COX7B2: variants seen among roughly 807,000 people sequenced by gnomAD.
COX7B2 encodes the protein cytochrome c oxidase subunit 7B2, also known as cytochrome c oxidase subunit 7B2, mitochondrial.
For missense variants in COX7B2, 109 were observed against 95.9 expected (o/e 1.14, Z -0.57); for synonymous variants, 37 against 32.1 (o/e 1.15, Z -0.51).
At chr4:46,777,561 A>C (rs959738860) in intron 2 of COX7B2, among the ~76,000 whole-genome samples, 1 of 152,180 alleles carries the variant, frequency 6.6e-6, no homozygotes, top group Admixed American at 6.5e-5. Flanking sequence ...CTAAACAAGG[A>C]CAAGGGAATC....
chr4:46,802,720 G>T (rs73815705), intron 2 of COX7B2, among the ~76,000 whole-genome samples: 5,301 of 152,162 alleles, frequency 0.035, 233 homozygotes, highest in African/African-American at 0.11. Context: ...CTGTCACATT[G>T]GCAAAGTGTC....
chr4:46,829,432 C>A (rs1438088916), intron 2 of COX7B2, among the ~76,000 whole-genome samples: 1 of 151,828 alleles, frequency 6.6e-6, no homozygotes, highest in Non-Finnish European at 1.5e-5. Flanking sequence ...TGATACAACT[C>A]TTGAAAATAA....
intron 2 of COX7B2, among the ~76,000 whole-genome samples, chr4:46,736,454 T>G (rs1714368546): frequency 6.9e-6 from 1 of 145,820 alleles, no homozygotes; most frequent in Non-Finnish European, 1.5e-5. Context: ...TCTGGTTTCA[T>G]TTTTTTTTTT....
chr4:46,864,605 C>A (rs1200597066), intron 1 of COX7B2, among the ~76,000 whole-genome samples: 2 of 151,990 alleles, frequency 1.3e-5, no homozygotes, highest in Non-Finnish European at 2.9e-5. Context: ...TCTTATCAGG[C>A]CAGTCAGCCC....
chr4:46,787,461 T>TA (rs199964552), intron 2 of COX7B2, among the ~76,000 whole-genome samples: 35 of 146,624 alleles, frequency 2.4e-4, no homozygotes, highest in East Asian at 1.8e-3. Flanking sequence ...TAAAAAAAAA[T>TA]AAAAAAAAAA....
chr4:46,901,326 G>C (rs1720058074), intron 1 of COX7B2, among the ~76,000 whole-genome samples: 1 of 152,176 alleles, frequency 6.6e-6, no homozygotes, highest in African/African-American at 2.4e-5. Flanking sequence ...TCAATCAACA[G>C]ATATTTCCCA....
chr4:46,842,914 C>T (rs1428462041), intron 2 of COX7B2, among the ~76,000 whole-genome samples: 8 of 151,974 alleles, frequency 5.3e-5, no homozygotes, highest in African/African-American at 1.9e-4. Flanking sequence ...TGGGTATATA[C>T]CCAGTAATGG....
chr4:46,782,013 C>G (rs765051782), intron 2 of COX7B2, among the ~76,000 whole-genome samples: 1 of 152,152 alleles, frequency 6.6e-6, no homozygotes, highest in Non-Finnish European at 1.5e-5. Context: ...GGCACCTGGT[C>G]GCACTGACCT....
intron 2 of COX7B2, among the ~76,000 whole-genome samples, chr4:46,813,013 C>G (rs1560397380): frequency 6.6e-6 from 1 of 152,026 alleles, no homozygotes; most frequent in Non-Finnish European, 1.5e-5. Context: ...AGCTGTGGCA[C>G]CAGATCATGA....
At chr4:46,789,503 A>G (rs1367983851) in intron 2 of COX7B2, among the ~76,000 whole-genome samples, 1 of 152,174 alleles carries the variant, frequency 6.6e-6, no homozygotes, top group Admixed American at 6.5e-5. Context: ...ACCACTGCTC[A>G]CGATTACCGT....
intron 2 of COX7B2, among the ~76,000 whole-genome samples, chr4:46,760,324 T>C (rs542471941): frequency 5.5e-4 from 84 of 152,242 alleles, no homozygotes; most frequent in African/African-American, 1.9e-3. Flanking sequence ...CCATCAATGA[T>C]AGACTGGATA....
At chr4:46,773,156 G>A (rs112044706) in intron 2 of COX7B2, among the ~76,000 whole-genome samples, 3 of 152,072 alleles carry the variant, frequency 2.0e-5, no homozygotes, top group Admixed American at 6.6e-5. Flanking sequence ...CAAGAAAATA[G>A]AAAAATAGTT....
In COX7B2 at chr4:46,737,315, G is replaced by A. The variant is rs868142445; in HGVS notation, c.-49-2074C>T. Reference sequence around the variant, plus strand: ...TCATTTTCTTATTGTTGAATTTTAAGAGTTCTTTGTATATTCTGGATAACA... The same window carrying A: ...TCATTTTCTTATTGTTGAATTTTAAAAGTTCTTTGTATATTCTGGATAACA... On this transcript the variant is annotated intron_variant, in intron 2 of 2. Coordinates refer to ENST00000355591, the MANE Select transcript of COX7B2 (RefSeq NM_130902.3). Among the ~76,000 whole-genome samples the A allele has an allele frequency of 2.0e-5, 3 of 152,082 alleles. No individual in the cohort carries two copies. The South Asian group carries it at 6.2e-4, about 32-fold the overall frequency.
At position 46,889,130 on chromosome 4, in the gene COX7B2, T is replaced by G. The variant is rs182054594; in HGVS notation, c.-105+20030A>C. ...TATTATGTGTCCGCAAATTTAAATT[T>G]TAAAAATATAATGATAAATTTAAAA... On this transcript the variant is annotated intron_variant, in intron 1 of 2. Transcript: ENST00000355591. 1.7e-3 allele frequency among the ~76,000 whole-genome samples: 256 copies of G among 152,288 alleles called. 1 individual carries two copies. The highest frequency in any genetic ancestry group is 6.0e-3 in the African/African-American group (249 of 41,530).
chr4:46,820,834 AATAT>A lies in COX7B2; in HGVS notation c.-50+24122_-50+24125del, dbSNP rs1194238870. Among the ~76,000 whole-genome samples, 98 of 129,180 alleles carry A rather than the reference AATAT, an allele frequency of 7.6e-4. 1 individual carries two copies. The highest frequency in any genetic ancestry group is 1.4e-3 in the East Asian group (6 of 4,374). 84.7% of individuals were successfully genotyped at this position (129,180 alleles called of 152,430 possible). On this transcript the variant is annotated intron_variant, in intron 2 of 2. Transcript: ENST00000355591. ...AAAACTCCATCTCAAAAAAAAAAAAAATATATATATATATATATAGATAGATAGA... is the reference window on the plus strand; with the variant it reads ...AAAACTCCATCTCAAAAAAAAAAAAAATATATATATATATAGATAGATAGA...
At chr4:46,797,405 G>C (rs1718421232) in intron 2 of COX7B2, among the ~76,000 whole-genome samples, 1 of 152,150 alleles carries the variant, frequency 6.6e-6, no homozygotes, top group South Asian at 2.1e-4. Context: ...CTGTCCCACT[G>C]TGGGCTCAGT....
intron 2 of COX7B2, among the ~76,000 whole-genome samples, chr4:46,779,569 T>C (rs1416476506): frequency 6.6e-6 from 1 of 152,144 alleles, no homozygotes; most frequent in Admixed American, 6.6e-5. Flanking sequence ...GGTTATATGG[T>C]AGTTCTATTT....
intron 1 of COX7B2, among the ~76,000 whole-genome samples, chr4:46,883,604 G>A (rs1718885975): frequency 6.6e-6 from 1 of 151,964 alleles, no homozygotes; most frequent in African/African-American, 2.4e-5. Flanking sequence ...CAGGCATGGT[G>A]GCACGTGCCT....
At chr4:46,890,403 AT>A (rs1377284979) in intron 1 of COX7B2, among the ~76,000 whole-genome samples, 1 of 152,190 alleles carries the variant, frequency 6.6e-6, no homozygotes, top group Non-Finnish European at 1.5e-5. Flanking sequence ...TGCTTTATTA[AT>A]TCATTACCTA....
Sources: gnomAD v4.1 joint callset for allele counts (sites outside exome capture counted in the v4.1 genomes callset) on GRCh38, gnomAD v4.1.1 for gene constraint, MANE v1.5 for transcripts, NCBI Gene and HGNC (gene_info 2026-07-23, HGNC 2026-07-21) for gene names.